The following OSBPL10 variants were observed in gnomAD, a reference collection of about 807,000 sequenced individuals.
OSBPL10 encodes the protein oxysterol binding protein like 10.
Under a neutral mutation model 81.7 loss-of-function variants are expected in OSBPL10, and 49 were observed. The ratio of observed to expected loss-of-function variants is 0.60; its 90% CI spans 0.48 to 0.76. OSBPL10 has a LOEUF of 0.76. Among genes scored for constraint, OSBPL10 ranks in the 30% least tolerant of loss-of-function variants. The pLI is 0.00. For synonymous variants in OSBPL10, 419 were observed against 383.6 expected (o/e 1.09, Z -1.08); for missense variants, 923 against 987.8 (o/e 0.93, Z 0.88).
chr3:31,848,445 T>C (rs1700687322), intron 3 of OSBPL10, among the ~76,000 whole-genome samples: 1 of 152,100 alleles, frequency 6.6e-6, no homozygotes, highest in South Asian at 2.1e-4. Flanking sequence ...TTCCATTATC[T>C]GGTTCCAGTT....
intron 1 of OSBPL10, among the ~76,000 whole-genome samples, chr3:31,950,364 T>C (rs1473129933): frequency 6.6e-6 from 1 of 152,234 alleles, no homozygotes; most frequent in Non-Finnish European, 1.5e-5. Context: ...GAAGAGCTGC[T>C]GTCTTTCTGA....
chr3:32,054,942 A>T (rs901362056), intron 1 of OSBPL10, among the ~76,000 whole-genome samples: 1 of 152,178 alleles, frequency 6.6e-6, no homozygotes, highest in Non-Finnish European at 1.5e-5. Flanking sequence ...TGACGGGTAT[A>T]GGACATTGAC....
At chr3:31,990,816 A>G in intron 2 of OSBPL10, 1 of 1,601,226 alleles carries the variant, frequency 6.2e-7, no homozygotes, top group Non-Finnish European at 8.5e-7. Context: ...GTCAAGCTTC[A>G]TCTTATGCAA....
chr3:31,729,192 T>C (rs1413725763), intron 6 of OSBPL10, among the ~76,000 whole-genome samples: 1 of 152,164 alleles, frequency 6.6e-6, no homozygotes, highest in African/African-American at 2.4e-5. Flanking sequence ...AGATATGTCC[T>C]CTAGAAGGTG....
At chr3:31,910,507 G>A (rs1173086778) in intron 1 of OSBPL10, among the ~76,000 whole-genome samples, 12 of 151,872 alleles carry the variant, frequency 7.9e-5, no homozygotes, top group Non-Finnish European at 1.2e-4. Context: ...TTGGTGGCAC[G>A]CGCCTGTAAT....
intron 2 of OSBPL10, chr3:31,989,034 G>A (rs151141327): frequency 1.5e-5 from 24 of 1,605,314 alleles, no homozygotes; most frequent in East Asian, 8.9e-5. Context: ...GAAGCAGATC[G>A]CCTCAGTGAA....
chr3:31,969,237 A>G lies in OSBPL10; in HGVS notation c.281+11662T>C, dbSNP rs151104848. Among the ~76,000 whole-genome samples the G allele has an allele frequency of 7.9e-5, 12 of 152,284 alleles. No homozygotes were observed. The South Asian group carries it at 1.5e-3, about 18-fold the overall frequency. On this transcript the variant is annotated intron_variant, in intron 1 of 11. Transcript: ENST00000396556. The stretch of plus-strand genomic sequence containing the variant: ...GGGAGGCCTCTGCATAAATCAAGAC[A>G]TCTGTCAGCACTTACAAATAATCAC...
At chr3:31,929,887 T>C (rs1163242850) in intron 1 of OSBPL10, among the ~76,000 whole-genome samples, 1 of 150,814 alleles carries the variant, frequency 6.6e-6, no homozygotes, top group Non-Finnish European at 1.5e-5. Context: ...TAATCCCAGC[T>C]ACACAGGACA....
intron 5 of OSBPL10, among the ~76,000 whole-genome samples, chr3:31,746,002 G>A (rs1697509582): frequency 6.6e-6 from 1 of 152,038 alleles, no homozygotes; most frequent in Admixed American, 6.6e-5. Context: ...TGACCCCTGG[G>A]CAACAAAGCA....
At chr3:31,926,992 T>A (rs1479895726) in intron 1 of OSBPL10, among the ~76,000 whole-genome samples, 1 of 152,078 alleles carries the variant, frequency 6.6e-6, no homozygotes, top group Non-Finnish European at 1.5e-5. Context: ...ATGCCTGTAA[T>A]CCCAGCTACT....
chr3:31,757,039 T>C (rs969767259), intron 4 of OSBPL10, among the ~76,000 whole-genome samples: 6 of 152,192 alleles, frequency 3.9e-5, no homozygotes, highest in African/African-American at 7.2e-5. Context: ...TTGGTGTCTC[T>C]CTGGACTTTA....
At chr3:31,824,710 T>C (rs897294753) in intron 4 of OSBPL10, among the ~76,000 whole-genome samples, 2 of 152,148 alleles carry the variant, frequency 1.3e-5, no homozygotes, top group African/African-American at 4.8e-5. Flanking sequence ...CATTCATCAA[T>C]CAGTGCTTTC....
At chr3:32,051,544 C>T (rs1699670365) in intron 1 of OSBPL10, among the ~76,000 whole-genome samples, 1 of 152,154 alleles carries the variant, frequency 6.6e-6, no homozygotes, top group African/African-American at 2.4e-5. Context: ...GATAAGACTC[C>T]TATGGGAAAT....
intron 2 of OSBPL10, among the ~76,000 whole-genome samples, chr3:32,026,057 T>TA (rs58717718): frequency 0.26 from 28,229 of 107,506 alleles, 3,302 homozygotes; most frequent in Non-Finnish European, 0.31. Context: ...GATAGATAGA[T>TA]GATAGATAGA....
chr3:31,812,806 GAAAGAAAGAA>G (rs1559476503), intron 4 of OSBPL10, among the ~76,000 whole-genome samples: 25 of 51,698 alleles, frequency 4.8e-4, no homozygotes, highest in South Asian at 2.0e-3. Flanking sequence ...AAGAAAGAAA[GAAAGAAAGAA>G]AGAGAAAGAA....
intron 1 of OSBPL10, among the ~76,000 whole-genome samples, chr3:31,917,973 A>T (rs1197822245): frequency 6.6e-6 from 1 of 152,112 alleles, no homozygotes; most frequent in Non-Finnish European, 1.5e-5. Flanking sequence ...AAACTAAGTG[A>T]GGTTAATCAA....
chr3:31,674,137 C>T (rs560377691), intron 8 of OSBPL10, among the ~76,000 whole-genome samples: 2 of 152,144 alleles, frequency 1.3e-5, no homozygotes, highest in Admixed American at 1.3e-4. Context: ...GAGGTGGGGC[C>T]TAGTGAGAGG....
chr3:31,805,314 T>TCAAA (rs1699493303), intron 4 of OSBPL10, among the ~76,000 whole-genome samples: 1 of 152,202 alleles, frequency 6.6e-6, no homozygotes, highest in Non-Finnish European at 1.5e-5. Flanking sequence ...CCAGAAATGC[T>TCAAA]GGTCTCAAAG....
chr3:32,060,560 C>CTTGTTGGAGTCTGAGTTGAGCCA (rs1575094549), intron 1 of OSBPL10, among the ~76,000 whole-genome samples: 2 of 96,940 alleles, frequency 2.1e-5, no homozygotes, highest in Non-Finnish European at 5.6e-5. Flanking sequence ...ATAATATCCC[C>CTTGTTGGAGTCTGAGTTGAGCCA]ACTCTTCATC....
Sources: allele counts gnomAD v4.1 joint callset (sites outside exome capture counted in the v4.1 genomes callset), GRCh38; gene constraint gnomAD v4.1.1; transcripts MANE v1.5; gene names NCBI Gene and HGNC (gene_info 2026-07-23, HGNC 2026-07-21).